PRUNE2: variants seen among roughly 807,000 people sequenced by gnomAD.
PRUNE2 encodes protein prune homolog 2.
PRUNE2 carries 164 observed loss-of-function variants against 252.0 expected under a neutral mutation model. The observed-to-expected ratio is 0.65, with a 90% CI of 0.57 to 0.74. PRUNE2 has a LOEUF of 0.74. PRUNE2 is among the 30% of genes least tolerant of loss of function. The pLI is 0.00. For synonymous variants in PRUNE2, 1,292 were observed against 1,350.2 expected, an observed-to-expected ratio of 0.96 and a Z score of 0.94; for missense variants, 3,495 against 3,711.0, an observed-to-expected ratio of 0.94 and a Z score of 1.51.
intron 9 of PRUNE2, among the ~76,000 whole-genome samples, chr9:76,699,625 A>T (rs186400286): frequency 6.6e-6 from 1 of 152,268 alleles, no homozygotes; most frequent in Non-Finnish European, 1.5e-5. Flanking sequence ...TTGAGTTTCC[A>T]GGCTGCCAGC....
rs139336296 is a variant in PRUNE2 at position 76,807,432 on chromosome 9, A to C, written c.756+16200T>G. On this transcript the variant is annotated intron_variant, in intron 6 of 18. Coordinates refer to ENST00000376718, the MANE Select transcript of PRUNE2 (RefSeq NM_015225.3). Reference sequence around the variant, plus strand: ...CAAGGAAGGGTCAGCAATTTGCAACACTTCACAAATTCCCTGGTGGTCAGC... The same window carrying C: ...CAAGGAAGGGTCAGCAATTTGCAACCCTTCACAAATTCCCTGGTGGTCAGC... 2.2e-3 allele frequency among the ~76,000 whole-genome samples: 332 copies of C among 152,260 alleles called. 2 individuals carry two copies. In the Middle Eastern group the frequency reaches 0.024, roughly 11 times the overall value.
At chr9:76,882,205 A>T (rs2061830499) in intron 1 of PRUNE2, among the ~76,000 whole-genome samples, 1 of 152,160 alleles carries the variant, frequency 6.6e-6, no homozygotes, top group African/African-American at 2.4e-5. Flanking sequence ...GATTTCGTGT[A>T]CAAATTTATT....
intron 9 of PRUNE2, among the ~76,000 whole-genome samples, chr9:76,672,203 G>A (rs1391713049): frequency 6.9e-6 from 1 of 145,722 alleles, no homozygotes; most frequent in Non-Finnish European, 1.5e-5. Flanking sequence ...AAAGGATGGA[G>A]GAAGATCTAC....
intron 6 of PRUNE2, among the ~76,000 whole-genome samples, chr9:76,724,363 A>G (rs1469645809): frequency 1.6e-5 from 2 of 124,332 alleles, no homozygotes; most frequent in Non-Finnish European, 3.3e-5. Context: ...GGTCCCAGCT[A>G]CTGGGGAGGC....
chr9:76,827,793 C>T (rs187029307), intron 4 of PRUNE2, among the ~76,000 whole-genome samples: 1 of 152,208 alleles, frequency 6.6e-6, no homozygotes, highest in Admixed American at 6.5e-5. Context: ...AGCAAGTCGT[C>T]TGGCCTCCGT....
chr9:76,624,928 C>T lies in PRUNE2; in HGVS notation c.9150-438G>A, dbSNP rs1390404623. 4.6e-5 allele frequency: 32 copies of T among 694,854 alleles called. 1 individual carries two copies. Among genetic ancestry groups the T allele is most frequent in the Non-Finnish European group, 7.1e-5 (31 of 437,706 alleles). 43.0% of individuals were successfully genotyped at this position (694,854 alleles called of 1,614,324 possible). A position where few individuals can be genotyped will look rare whatever the true frequency, so the allele number is the denominator to read the frequency against. ...GGCATACAAAAGACTGATACAGTGACCTCTTGCTCTGGTAGCTTGTTGAGG... is the reference window on the plus strand; with the variant it reads ...GGCATACAAAAGACTGATACAGTGATCTCTTGCTCTGGTAGCTTGTTGAGG... On this transcript the variant is annotated intron_variant, in intron 16 of 18. Coordinates refer to ENST00000376718, the MANE Select transcript of PRUNE2 (RefSeq NM_015225.3).
At chr9:76,802,337 A>G (rs1051123391) in intron 6 of PRUNE2, among the ~76,000 whole-genome samples, 7 of 152,186 alleles carry the variant, frequency 4.6e-5, no homozygotes, top group African/African-American at 1.7e-4. Flanking sequence ...CTATGCAGCC[A>G]TTGAAATGAA....
chr9:76,868,252 C>T (rs552799268), intron 1 of PRUNE2, among the ~76,000 whole-genome samples: 21 of 152,226 alleles, frequency 1.4e-4, no homozygotes, highest in Admixed American at 4.6e-4. Context: ...GAAAAACATC[C>T]AAAATAACAA....
At chr9:76,834,912 G>C (rs10869836) in intron 4 of PRUNE2, among the ~76,000 whole-genome samples, 79,289 of 151,964 alleles carry the variant, frequency 0.52, 21,047 homozygotes, top group African/African-American at 0.62. Flanking sequence ...TCAGCAAATT[G>C]AAACCTATTT....
In PRUNE2 at chr9:76,612,657, C is replaced by A. The variant is rs1457916218; in HGVS notation, c.*1913G>T. 6.6e-6 allele frequency: 1 copy of A among 151,936 alleles called. No individual in the cohort carries two copies. The highest frequency in any genetic ancestry group is 1.9e-4 in the East Asian group (1 of 5,186). 9.4% of individuals were successfully genotyped at this position (151,936 alleles called of 1,614,324 possible). A position where few individuals can be genotyped will look rare whatever the true frequency, so the allele number is the denominator to read the frequency against. The stretch of plus-strand genomic sequence containing the variant: ...GAAGGAGGAGATCCAACAGAACATA[C>A]AATTCAACAAGATACTCGCTTGAAA... On this transcript the variant is annotated 3_prime_UTR_variant, in exon 19 of 19. Coordinates refer to ENST00000376718, the MANE Select transcript of PRUNE2 (RefSeq NM_015225.3).
chr9:76,652,427 G>T, intron 11 of PRUNE2, 56 bp downstream of exon 11: 1 of 1,234,810 alleles, frequency 8.1e-7, no homozygotes, highest in Non-Finnish European at 1.2e-6. Context: ...AGGTCTGTTA[G>T]AAAATCTTTT....
At chr9:76,727,645 C>CTTTTTTT (rs577095894) in intron 6 of PRUNE2, among the ~76,000 whole-genome samples, 3 of 72,714 alleles carry the variant, frequency 4.1e-5, no homozygotes, top group Admixed American at 1.5e-4. Context: ...TCTTCTTCTT[C>CTTTTTTT]TTTTTTTTTT....
At chr9:76,804,300 G>A (rs942150038) in intron 6 of PRUNE2, among the ~76,000 whole-genome samples, 2 of 152,148 alleles carry the variant, frequency 1.3e-5, no homozygotes, top group East Asian at 1.9e-4. Context: ...CCCAGGCTTC[G>A]GTTGACCGAT....
At chr9:76,637,365 A>T in intron 14 of PRUNE2, 53 bp downstream of exon 14, 1 of 1,563,638 alleles carries the variant, frequency 6.4e-7, no homozygotes, top group Non-Finnish European at 8.8e-7. Flanking sequence ...GTGGTTGTTT[A>T]GTCTTCAGTT....
intron 6 of PRUNE2, among the ~76,000 whole-genome samples, chr9:76,760,853 A>C (rs995237746): frequency 6.6e-6 from 1 of 152,138 alleles, no homozygotes; most frequent in Non-Finnish European, 1.5e-5. Flanking sequence ...TGGGAGGTGG[A>C]GGTGGGTGGA....
chr9:76,680,245 A>C (rs560555378), intron 9 of PRUNE2, among the ~76,000 whole-genome samples: 2 of 152,242 alleles, frequency 1.3e-5, no homozygotes, highest in Non-Finnish European at 2.9e-5. Context: ...GCCAACGAGC[A>C]TATGAAAAGA....
At position 76,617,055 on chromosome 9, in the gene PRUNE2, C is replaced by T. The variant is rs1288222107; in HGVS notation, c.9236+2285G>A. 4.0e-5 allele frequency among the ~76,000 whole-genome samples: 6 copies of T among 151,836 alleles called. No individual in the cohort carries two copies. The East Asian group carries it at 9.7e-4, about 24-fold the overall frequency. On this transcript the variant is annotated intron_variant, in intron 18 of 18. Transcript: ENST00000376718. Reference sequence around the variant, plus strand: ...TAATTAGAATTGAATATTCTTAATCCTCGGGCAAATGGGCTTAGTTTTCTA... The same window carrying T: ...TAATTAGAATTGAATATTCTTAATCTTCGGGCAAATGGGCTTAGTTTTCTA...
chr9:76,699,687 C>G (rs2045715916), intron 9 of PRUNE2, among the ~76,000 whole-genome samples: 1 of 152,126 alleles, frequency 6.6e-6, no homozygotes, highest in Non-Finnish European at 1.5e-5. Context: ...TGAGCCAATT[C>G]CTTAAAATTC....
chr9:76,729,788 G>GT (rs1171200274), intron 6 of PRUNE2, among the ~76,000 whole-genome samples: 1 of 151,958 alleles, frequency 6.6e-6, no homozygotes, highest in South Asian at 2.1e-4. Flanking sequence ...AAAAGCATGG[G>GT]TTTATAGGAG....
Sources: allele counts gnomAD v4.1 joint callset (sites outside exome capture counted in the v4.1 genomes callset), GRCh38; gene constraint gnomAD v4.1.1; transcripts MANE v1.5; gene names NCBI Gene and HGNC (gene_info 2026-07-23, HGNC 2026-07-21).